GALNT13: variants seen among roughly 807,000 people sequenced by gnomAD.
GALNT13 encodes UDP-GalNAc:polypeptide N-acetylgalactosaminyltransferase 13.
Under a neutral mutation model 64.2 loss-of-function variants are expected in GALNT13, and 28 were observed. That is an observed-to-expected ratio of 0.44 (90% confidence interval 0.32 to 0.60). GALNT13 has a LOEUF of 0.60. Among genes scored for constraint, GALNT13 ranks in the 20% least tolerant of loss-of-function variants. The pLI is 0.05. For missense variants in GALNT13, 577 were observed against 669.8 expected (o/e 0.86, Z 1.53); for synonymous variants, 214 against 224.6 (o/e 0.95, Z 0.42).
In GALNT13 at chr2:154,328,678, G is replaced by A. The variant is rs142471394; in HGVS notation, c.1156+27089G>A. ...ATCATTCCACGGCATATACCTACAG[G>A]TAGAATTGCTGAACATGTTTGATTT... On this transcript the variant is annotated intron_variant, in intron 9 of 12. Coordinates refer to ENST00000392825, the MANE Select transcript of GALNT13 (RefSeq NM_052917.4). Among the ~76,000 whole-genome samples the A allele has an allele frequency of 2.0e-5, 3 of 152,148 alleles. No individual in the cohort carries two copies. The East Asian group carries it at 5.8e-4, about 30-fold the overall frequency.
At chr2:153,653,243 T>C in the GALNT13 span, among the ~76,000 whole-genome samples, 1 of 152,146 alleles carries the variant, frequency 6.6e-6, no homozygotes. Flanking sequence ...CAGAATTGGA[T>C]AGAAGAAGTC....
chr2:153,427,009 A>G, the GALNT13 span, among the ~76,000 whole-genome samples: 1 of 152,078 alleles, frequency 6.6e-6, no homozygotes, highest in African/African-American at 2.4e-5. Context: ...TGCAGAATTT[A>G]AAGGTGTCTC....
At chr2:153,926,878 C>T (rs1241763643) in intron 2 of GALNT13, among the ~76,000 whole-genome samples, 1 of 152,078 alleles carries the variant, frequency 6.6e-6, no homozygotes, top group African/African-American at 2.4e-5. Flanking sequence ...AATACTATTT[C>T]TAGTTACTAT....
chr2:153,913,364 A>C (rs985968940), intron 2 of GALNT13, among the ~76,000 whole-genome samples: 1 of 152,106 alleles, frequency 6.6e-6, no homozygotes, highest in African/African-American at 2.4e-5. Flanking sequence ...GGTGGCAGGG[A>C]AAGGAAGGGA....
chr2:153,260,873 C>A, the GALNT13 span, among the ~76,000 whole-genome samples: 1 of 152,044 alleles, frequency 6.6e-6, no homozygotes, highest in Non-Finnish European at 1.5e-5. Context: ...TGTAGGTGAG[C>A]TTCATTCTTT....
At chr2:153,264,226 A>G in the GALNT13 span, among the ~76,000 whole-genome samples, 1 of 152,214 alleles carries the variant, frequency 6.6e-6, no homozygotes, top group Non-Finnish European at 1.5e-5. Context: ...GTAGATCAAA[A>G]CCATAATGAG....
intron 9 of GALNT13, among the ~76,000 whole-genome samples, chr2:154,360,949 G>C (rs1697033031): frequency 6.6e-6 from 1 of 151,962 alleles, no homozygotes; most frequent in Non-Finnish European, 1.5e-5. Flanking sequence ...GTGAAGATGG[G>C]GTTGGTTAAA....
chr2:154,232,447 A>G (rs1161880502), intron 4 of GALNT13, among the ~76,000 whole-genome samples: 1 of 152,112 alleles, frequency 6.6e-6, no homozygotes, highest in African/African-American at 2.4e-5. Flanking sequence ...TAAAATCATC[A>G]TCACTCTAAT....
chr2:153,163,456 G>A, the GALNT13 span, among the ~76,000 whole-genome samples: 37 of 152,206 alleles, frequency 2.4e-4, no homozygotes, highest in Non-Finnish European at 4.0e-4. Context: ...TATTTTGAGA[G>A]GCTTCTTGAC....
chr2:154,022,649 C>A (rs1210025541), intron 3 of GALNT13, among the ~76,000 whole-genome samples: 2 of 152,088 alleles, frequency 1.3e-5, no homozygotes, highest in African/African-American at 4.8e-5. Flanking sequence ...AAAACCAGCT[C>A]CTGGATTCAT....
At chr2:153,769,498 C>A in the GALNT13 span, among the ~76,000 whole-genome samples, 2 of 151,890 alleles carry the variant, frequency 1.3e-5, no homozygotes, top group Non-Finnish European at 2.9e-5. Context: ...TTCTCTATTG[C>A]CACTCTTAGC....
chr2:154,424,401 A>G lies in GALNT13; in HGVS notation c.1396-14191A>G, dbSNP rs1269030689. Among the ~76,000 whole-genome samples the G allele has an allele frequency of 4.6e-5, 7 of 152,298 alleles. No individual in the cohort carries two copies. The East Asian group carries it at 7.7e-4, about 17-fold the overall frequency. On this transcript the variant is annotated intron_variant, in intron 11 of 12. Coordinates refer to ENST00000392825, the MANE Select transcript of GALNT13 (RefSeq NM_052917.4). ...AAAAGAATAATACTGTATGTGCTAT[A>G]TCATATTTAATATACAGTATATTTT...
chr2:153,624,672 G>T, the GALNT13 span, among the ~76,000 whole-genome samples: 1 of 151,924 alleles, frequency 6.6e-6, no homozygotes. Flanking sequence ...AGCTATGCGG[G>T]TTATTACAGC....
chr2:154,252,725 A>AGAT (rs893741016), intron 7 of GALNT13, among the ~76,000 whole-genome samples: 2 of 8,384 alleles, frequency 2.4e-4, no homozygotes, highest in East Asian at 4.2e-3. Flanking sequence ...GAATGGAAAA[A>AGAT]GATAGATAGA....
the GALNT13 span, among the ~76,000 whole-genome samples, chr2:153,380,473 A>AAAT: frequency 1.3e-5 from 2 of 151,866 alleles, no homozygotes; most frequent in African/African-American, 2.4e-5. Context: ...TCCTCTCTCT[A>AAAT]AATAATAATA....
At chr2:153,946,775 C>T (rs1176545010) in intron 3 of GALNT13, among the ~76,000 whole-genome samples, 1 of 152,068 alleles carries the variant, frequency 6.6e-6, no homozygotes, top group African/African-American at 2.4e-5. Context: ...ACATTCAGTA[C>T]ATTGTACTAC....
At chr2:153,771,058 C>T in the GALNT13 span, among the ~76,000 whole-genome samples, 6 of 152,220 alleles carry the variant, frequency 3.9e-5, no homozygotes, top group African/African-American at 1.4e-4. Context: ...ACTGCACTAA[C>T]ATCTCTGCAA....
At chr2:153,883,413 A>AATGT (rs1472783160) in intron 1 of GALNT13, among the ~76,000 whole-genome samples, 1 of 152,084 alleles carries the variant, frequency 6.6e-6, no homozygotes, top group Non-Finnish European at 1.5e-5. Context: ...GGTGATTTAC[A>AATGT]ACTCAGCATA....
In GALNT13 at chr2:154,438,651, T is replaced by A. The variant is rs1296020988; in HGVS notation, c.1455T>A (p.Ser485=). 1 of 1,612,396 alleles carries A rather than the reference T, an allele frequency of 6.2e-7. No individual in the cohort carries two copies. Among genetic ancestry groups the A allele is most frequent in the Non-Finnish European group, 8.5e-7 (1 of 1,178,490 alleles). Residue 485 remains serine (S), a synonymous_variant, in exon 12 of 13, where the codon TCT becomes TCA. Coordinates refer to ENST00000392825, the MANE Select transcript of GALNT13 (RefSeq NM_052917.4). ...CCGATGACTTGTGCTTGGATGTTTCTAGACTCAATGGACCTGTAATCATGT... is the reference window on the plus strand; with the variant it reads ...CCGATGACTTGTGCTTGGATGTTTCAAGACTCAATGGACCTGTAATCATGT... The part of the protein sequence containing the change: ...IRTDDLCLDV[S]RLNGPVIMLK...
Sources: allele counts gnomAD v4.1 joint callset (sites outside exome capture counted in the v4.1 genomes callset), GRCh38; gene constraint gnomAD v4.1.1; transcripts MANE v1.5; gene names NCBI Gene and HGNC (gene_info 2026-07-23, HGNC 2026-07-21).